The following FAM184A variants were observed in gnomAD, a reference collection of about 807,000 sequenced individuals.
FAM184A encodes family with sequence similarity 184 member A.
Under a neutral mutation model 143.8 loss-of-function variants are expected in FAM184A, and 99 were observed. That is an observed-to-expected ratio of 0.69 (90% CI 0.58 to 0.81). The LOEUF is 0.81. Ranked by LOEUF, FAM184A falls within the 40% of genes least tolerant of loss-of-function variation. FAM184A has a pLI of 0.00. For synonymous variants in FAM184A, 427 were observed against 446.4 expected (o/e 0.96, Z 0.55); for missense variants, 1,217 against 1,310.5 (o/e 0.93, Z 1.10).
In FAM184A at chr6:119,054,888, G is replaced by T. The variant is rs1206473009; in HGVS notation, c.159+23253C>A. 2.6e-5 allele frequency among the ~76,000 whole-genome samples: 4 copies of T among 151,616 alleles called. No homozygotes were observed. In the East Asian group the frequency reaches 7.7e-4, roughly 29 times the overall value. ...ACAATTTTTTTTTAATAACAGCTTTGAGATATAATTTATGTAACATAAAAT... is the reference window on the plus strand; with the variant it reads ...ACAATTTTTTTTTAATAACAGCTTTTAGATATAATTTATGTAACATAAAAT... On this transcript the variant is annotated intron_variant, in intron 1 of 17. Coordinates refer to ENST00000338891, the MANE Select transcript of FAM184A (RefSeq NM_024581.6).
chr6:118,995,174 T>A (rs767983698), intron 9 of FAM184A, among the ~76,000 whole-genome samples: 6 of 152,148 alleles, frequency 3.9e-5, no homozygotes, highest in Non-Finnish European at 8.8e-5. Context: ...TCCCAGCACT[T>A]TGGGAGGCTG....
At position 118,974,666 on chromosome 6, in the gene FAM184A, G is replaced by C. The variant is rs879187806; in HGVS notation, c.2769-92C>G. 52 of 1,099,662 alleles carry C rather than the reference G, an allele frequency of 4.7e-5. No homozygotes were observed. In the East Asian group the frequency reaches 7.0e-4, roughly 15 times the overall value. The allele number at this position is 1,099,662 out of a possible 1,614,324, so 68.1% of individuals were successfully genotyped here. ...TCTACCAGATTTGAAATGGTTTTTG[G>C]TATAATATATAGAAAATTTATGTAA... is the stretch of plus-strand genomic sequence containing the variant. On this transcript the variant is annotated intron_variant, in intron 13 of 17. Transcript: ENST00000338891.
intron 1 of FAM184A, among the ~76,000 whole-genome samples, chr6:119,138,378 G>T (rs1772094665): frequency 6.6e-6 from 1 of 152,176 alleles, no homozygotes. Context: ...GGGGTCAGAA[G>T]TCCAAAATGT....
At chr6:119,076,772 A>G (rs898641179) in intron 1 of FAM184A, among the ~76,000 whole-genome samples, 1 of 152,210 alleles carries the variant, frequency 6.6e-6, no homozygotes, top group Non-Finnish European at 1.5e-5. Context: ...TACTGCAGGA[A>G]GCCTGGCTTT....
intron 1 of FAM184A, among the ~76,000 whole-genome samples, chr6:119,068,867 T>C (rs1249261469): frequency 6.6e-6 from 1 of 152,128 alleles, no homozygotes; most frequent in Middle Eastern, 3.2e-3. Flanking sequence ...AGTTTCTTTA[T>C]CCAAGAAAAG....
At chr6:118,996,804 T>G (rs1357967012) in intron 9 of FAM184A, among the ~76,000 whole-genome samples, 1 of 149,492 alleles carries the variant, frequency 6.7e-6, no homozygotes, top group East Asian at 2.0e-4. Context: ...AGCCTCTGTC[T>G]CCCGTGTTTA....
intron 1 of FAM184A, among the ~76,000 whole-genome samples, chr6:119,140,252 G>C (rs1390312374): frequency 1.3e-5 from 2 of 152,174 alleles, no homozygotes; most frequent in Non-Finnish European, 2.9e-5. Context: ...GGATGTAAGG[G>C]AGTACCAAGA....
chr6:118,992,015 C>T lies in FAM184A; in HGVS notation c.2088+10884G>A, dbSNP rs539577438. Among the ~76,000 whole-genome samples the T allele has an allele frequency of 2.1e-3, 317 of 151,926 alleles. 1 individual carries two copies. The highest frequency in any genetic ancestry group is 3.4e-3 in the Middle Eastern group (1 of 294). ...TCCTGACCTCGTGATCCGCCTGCCTCGGCCTCCCAAAGTGCTGGGATTACA... is the reference window on the plus strand; with the variant it reads ...TCCTGACCTCGTGATCCGCCTGCCTTGGCCTCCCAAAGTGCTGGGATTACA... On this transcript the variant is annotated intron_variant, in intron 9 of 17. Transcript: ENST00000338891.
chr6:118,966,867 T>C lies in FAM184A; in HGVS notation c.3001A>G (p.Thr1001Ala). 2 of 1,594,816 alleles carry C rather than the reference T, an allele frequency of 1.3e-6. No individual in the cohort carries two copies. The highest frequency in any genetic ancestry group is 1.7e-6 in the Non-Finnish European group (2 of 1,165,360). ...TTCTTTATGATCTGGTCTCTTTCTG[T>C]AAGCATGGCTTTTAATTCTGTAATC... Reference protein sequence around the residue: ...QMITELKAMLTERDQIIKKLI... With the variant: ...QMITELKAMLAERDQIIKKLI... Residue 1001 changes from threonine to alanine, a missense_variant, in exon 15 of 18, where the codon ACA (threonine) becomes GCA (alanine). Thr to Ala is a moderately conservative substitution (Grantham distance 58). Transcript: ENST00000338891.
At position 118,960,197 on chromosome 6, in the gene FAM184A, A is replaced by C. The variant is rs367833718; in HGVS notation, c.3342-13T>G. ...ACTCTGAGCAGGACTGAATTCATAA[A>C]AAGAGAGACATGTAACCCAGCATTA... On this transcript the variant is annotated splice_polypyrimidine_tract_variant and intron_variant, in intron 17 of 17. Transcript: ENST00000338891. The C allele has an allele frequency of 8.1e-6, 13 of 1,607,702 alleles. No homozygotes were observed. The African/African-American group carries it at 1.6e-4, about 20-fold the overall frequency.
chr6:119,050,991 G>T (rs1172388468), intron 1 of FAM184A, among the ~76,000 whole-genome samples: 1 of 152,142 alleles, frequency 6.6e-6, no homozygotes, highest in Admixed American at 6.5e-5. Context: ...GGGCCTACCT[G>T]AGAGTGGAGG....
Position 118,959,977 on chromosome 6 carries a change from C to T in FAM184A, c.*126G>A. Reference sequence around the variant, plus strand: ...TATCACAGGAAATACAGTGCATTTTCAAGTTGGAGAGACAAATACTTTCTC... The same window carrying T: ...TATCACAGGAAATACAGTGCATTTTTAAGTTGGAGAGACAAATACTTTCTC... On this transcript the variant is annotated 3_prime_UTR_variant, in exon 18 of 18. Coordinates refer to ENST00000338891, the MANE Select transcript of FAM184A (RefSeq NM_024581.6). 1.6e-6 allele frequency: 1 copy of T among 629,318 alleles called. No homozygotes were observed. 39.0% of individuals were successfully genotyped at this position (629,318 alleles called of 1,614,324 possible). A position where few individuals can be genotyped will look rare whatever the true frequency, so the allele number is the denominator to read the frequency against.
At chr6:119,081,869 T>G (rs1288071273), upstream of FAM184A, among the ~76,000 whole-genome samples, 1 of 152,186 alleles carries the variant, frequency 6.6e-6, no homozygotes, top group African/African-American at 2.4e-5. Context: ...GATGTGCTCC[T>G]CTTGGCATCC....
chr6:119,050,781 C>A (rs1488468724), intron 1 of FAM184A, among the ~76,000 whole-genome samples: 12 of 149,680 alleles, frequency 8.0e-5, no homozygotes, highest in African/African-American at 2.7e-4. Context: ...GTCCGCAGTC[C>A]GGCCTGGGCG....
intron 6 of FAM184A, 48 bp from the exon 7 acceptor site, chr6:119,006,656 G>T: frequency 7.4e-7 from 1 of 1,358,114 alleles, no homozygotes; most frequent in Non-Finnish European, 9.9e-7. Flanking sequence ...TAATAGAATA[G>T]CAAAATAGTC....
At chr6:119,089,202 A>ATTTT (rs550272990) in intron 1 of FAM184A, among the ~76,000 whole-genome samples, 87 of 141,694 alleles carry the variant, frequency 6.1e-4, no homozygotes, top group East Asian at 3.6e-3. Flanking sequence ...TTATTTATTT[A>ATTTT]TTTATTTTTT....
chr6:119,022,046 G>A (rs1435380682), intron 3 of FAM184A, among the ~76,000 whole-genome samples: 1 of 133,018 alleles, frequency 7.5e-6, no homozygotes, highest in Non-Finnish European at 1.6e-5. Flanking sequence ...TTCATTTTTC[G>A]TTCTTTCTTT....
chr6:119,137,064 T>C (rs1291957865), intron 1 of FAM184A, among the ~76,000 whole-genome samples: 1 of 152,224 alleles, frequency 6.6e-6, no homozygotes, highest in Non-Finnish European at 1.5e-5. Flanking sequence ...CTGGGCACTG[T>C]CCCAGTCTGC....
chr6:118,995,906 C>T lies in FAM184A; in HGVS notation c.2088+6993G>A, dbSNP rs1211684403. ...TGGGCTGCAGCACCTCTGAAGTCAC[C>T]GACTGTTCTGCATTTCATCACAGGT... On this transcript the variant is annotated intron_variant, in intron 9 of 17. Transcript: ENST00000338891. Among the ~76,000 whole-genome samples the T allele has an allele frequency of 3.9e-5, 6 of 152,142 alleles. No homozygotes were observed. The East Asian group carries it at 5.8e-4, about 15-fold the overall frequency.
Sources: gnomAD v4.1 joint callset for allele counts (sites outside exome capture counted in the v4.1 genomes callset) on GRCh38, gnomAD v4.1.1 for gene constraint, MANE v1.5 for transcripts, NCBI Gene and HGNC (gene_info 2026-07-23, HGNC 2026-07-21) for gene names.